Variants in ZNF75A observed in about 807,000 individuals in gnomAD.
ZNF75A encodes zinc finger protein 75A.
ZNF75A carries 36 observed loss-of-function variants against 46.3 expected under a neutral mutation model. That is an observed-to-expected ratio of 0.78 (90% CI 0.60 to 1.03). ZNF75A has a LOEUF of 1.03. Ranked by LOEUF, ZNF75A falls within the 50% of genes least tolerant of loss-of-function variation. The probability of loss-of-function intolerance (pLI) is 0.00; values close to 1 mark genes in which losing one functional copy is unlikely to be tolerated. For missense variants in ZNF75A, 595 were observed against 551.3 expected, an observed-to-expected ratio of 1.08 and a Z score of -0.79; for synonymous variants, 234 against 189.9, an observed-to-expected ratio of 1.23 and a Z score of -1.91.
chr16:3,316,124 T>C (rs1961186268), intron 5 of ZNF75A: 1 of 152,246 alleles, frequency 6.6e-6, no homozygotes, highest in South Asian at 2.1e-4. Context: ...CGTGATTTAA[T>C]TTTCTTTAAA....
intron 5 of ZNF75A, chr16:3,314,697 C>T (rs555625251): frequency 3.0e-6 from 3 of 985,420 alleles, no homozygotes; most frequent in Admixed American, 6.1e-5. Context: ...CGCAGTTAGG[C>T]TGCTTCTGCA....
intron 5 of ZNF75A, chr16:3,314,677 G>T: frequency 1.0e-6 from 1 of 985,188 alleles, no homozygotes; most frequent in Non-Finnish European, 1.2e-6. Flanking sequence ...GGCCTACCAT[G>T]CAGTTCATAC....
rs564010853 is a variant in ZNF75A at position 3,318,662 on chromosome 16, G to A, written c.*793G>A. The A allele has an allele frequency of 3.7e-5, 36 of 985,294 alleles. No individual in the cohort carries two copies. Among genetic ancestry groups the A allele is most frequent in the Non-Finnish European group, 4.3e-5 (36 of 829,944 alleles). 61.0% of individuals were successfully genotyped at this position (985,294 alleles called of 1,614,324 possible). On this transcript the variant is annotated 3_prime_UTR_variant, in exon 7 of 7. Coordinates refer to ENST00000669516, the MANE Select transcript of ZNF75A (RefSeq NM_001302109.2). ...CTGAAAGAGAATTAGTGGGAATTAA[G>A]ATCAACTTCTCAGTTTTGTTTGTTT...
chr16:3,314,378 C>G (rs879596001), intron 5 of ZNF75A, among the ~76,000 whole-genome samples: 21 of 152,222 alleles, frequency 1.4e-4, no homozygotes, highest in Non-Finnish European at 2.1e-4. Context: ...GGCACCTGAG[C>G]TCCTCTTGCC....
downstream of ZNF75A, among the ~76,000 whole-genome samples, chr16:3,320,853 T>C (rs1480763940): frequency 2.0e-5 from 3 of 152,192 alleles, no homozygotes; most frequent in African/African-American, 2.4e-5. Context: ...TCCAGATCAG[T>C]GTAGACAGTA....
rs1961413702 is a variant in ZNF75A, at chr16:3,318,835, A to G, written c.*966A>G. The stretch of plus-strand genomic sequence containing the variant: ...CAGCAGGAGACGGTTCCCTAAATAA[A>G]AGATTTGGGCACTGGTGCTAAGTGT... On this transcript the variant is annotated 3_prime_UTR_variant, in exon 7 of 7. Coordinates refer to ENST00000669516, the MANE Select transcript of ZNF75A (RefSeq NM_001302109.2). 1.0e-6 allele frequency: 1 copy of G among 985,400 alleles called. No homozygotes were observed. Among genetic ancestry groups the G allele is most frequent in the Non-Finnish European group, 1.2e-6 (1 of 829,926 alleles). 61.0% of individuals were successfully genotyped at this position (985,400 alleles called of 1,614,324 possible). A position where few individuals can be genotyped will look rare whatever the true frequency, so the allele number is the denominator to read the frequency against.
In ZNF75A at chr16:3,317,210, A is replaced by C. The variant is rs201108736; in HGVS notation, c.955A>C (p.Thr319Pro). 2 of 1,611,264 alleles carry C rather than the reference A, an allele frequency of 1.2e-6. No homozygotes were observed. Among genetic ancestry groups the C allele is most frequent in the Non-Finnish European group, 1.7e-6 (2 of 1,178,720 alleles). The stretch of plus-strand genomic sequence containing the variant: ...AACAGGGTTAAAGCTCAAAAACGAC[A>C]CTGAAAATCATCAGCCTGTGTCTCT... ...SPTGLKLKNDTENHQPVSLSD... is the reference protein window; with the variant it reads ...SPTGLKLKNDPENHQPVSLSD... The change falls in exon 7 of 7, where the codon ACT (threonine) becomes CCT (proline). Residue 319 changes from threonine (T) to proline (P), a missense_variant. Transcript: ENST00000669516.
chr16:3,311,951 A>G lies in ZNF75A; in HGVS notation c.604+3A>G, dbSNP rs1960838113. 4.1e-6 allele frequency: 4 copies of G among 985,436 alleles called. No homozygotes were observed. The highest frequency in any genetic ancestry group is 3.6e-6 in the Non-Finnish European group (3 of 829,510). The allele number at this position is 985,436 out of a possible 1,614,324, so 61.0% of individuals were successfully genotyped here. ...GACTGAGCCTGTGTATGAGAGGGGT[A>G]AGGAGCTTCATGATAATTTTCTTCT... is the stretch of plus-strand genomic sequence containing the variant. On this transcript the variant is annotated splice_donor_region_variant and intron_variant, in intron 3 of 6. Transcript: ENST00000669516.
At position 3,308,462 on chromosome 16, in the gene ZNF75A, T is replaced by G; in HGVS notation, c.34T>G (p.Leu12Val). ...GGTAGATCTGAAAGTGGCTGCGTAC[T>G]TGGACCCTCAGATCAGGGCTTTGTG... ...MMVDLKVAAY[L>V]DPQIRALWET... Residue 12 changes from leucine (L) to valine (V), a missense_variant, in exon 2 of 7, where the codon TTG (leucine) becomes GTG (valine). Physicochemically the swap from Leu to Val is conservative, Grantham distance 32. Coordinates refer to ENST00000669516, the MANE Select transcript of ZNF75A (RefSeq NM_001302109.2). The G allele has an allele frequency of 3.0e-6, 3 of 985,880 alleles. No homozygotes were observed. The highest frequency in any genetic ancestry group is 3.6e-6 in the Non-Finnish European group (3 of 829,966). 61.1% of individuals were successfully genotyped at this position (985,880 alleles called of 1,614,324 possible).
downstream of ZNF75A, among the ~76,000 whole-genome samples, chr16:3,321,940 C>T (rs2029959919): frequency 6.6e-6 from 1 of 152,124 alleles, no homozygotes; most frequent in Non-Finnish European, 1.5e-5. Context: ...TCCAAATGGA[C>T]AATTGGTAAC....
chr16:3,310,064 G>A (rs1960628670), intron 2 of ZNF75A, among the ~76,000 whole-genome samples: 1 of 151,660 alleles, frequency 6.6e-6, no homozygotes, highest in East Asian at 1.9e-4. Context: ...ATTGTACTCT[G>A]GCCTGGGCAA....
intron 4 of ZNF75A, 137 bp from the exon 5 acceptor site, chr16:3,312,912 C>T (rs1391663237): frequency 1.5e-6 from 2 of 1,304,102 alleles, no homozygotes. Context: ...GACGCCTTTT[C>T]TCCTTTTTTT....
At position 3,313,431 on chromosome 16, in the gene ZNF75A, T is replaced by C. The variant is rs113283330; in HGVS notation, c.823+256T>C. Among the ~76,000 whole-genome samples, 362 of 152,326 alleles carry C rather than the reference T, an allele frequency of 2.4e-3. 2 individuals are homozygous for C. The highest frequency in any genetic ancestry group is 8.0e-3 in the African/African-American group (334 of 41,562). On this transcript the variant is annotated intron_variant, in intron 5 of 6. Coordinates refer to ENST00000669516, the MANE Select transcript of ZNF75A (RefSeq NM_001302109.2). Reference sequence around the variant, plus strand: ...CAAACTTCCTCTTCTGTGTCTTACTTATCTCAGTAAGGGGCACATTCATTA... The same window carrying C: ...CAAACTTCCTCTTCTGTGTCTTACTCATCTCAGTAAGGGGCACATTCATTA...
At chr16:3,309,814 A>G (rs1237163860) in intron 2 of ZNF75A, among the ~76,000 whole-genome samples, 3 of 152,034 alleles carry the variant, frequency 2.0e-5, no homozygotes, top group Non-Finnish European at 4.4e-5. Flanking sequence ...ACTTAAAGAA[A>G]AGGAGAAATT....
chr16:3,321,906 A>C (rs1567276798), downstream of ZNF75A, among the ~76,000 whole-genome samples: 1 of 152,220 alleles, frequency 6.6e-6, no homozygotes, highest in Admixed American at 6.5e-5. Flanking sequence ...AAGTTTGAGG[A>C]AGAACGCCCA....
intron 1 of ZNF75A, chr16:3,306,965 T>C (rs1348107381): frequency 2.6e-5 from 4 of 152,090 alleles, no homozygotes; most frequent in African/African-American, 9.7e-5. Flanking sequence ...TTTTTTTTTT[T>C]TTTGGAGATG....
At position 3,311,754 on chromosome 16, in the gene ZNF75A, T is replaced by C; in HGVS notation, c.410T>C (p.Val137Ala). Reference protein sequence around the residue: ...QRESGQTWNGVAVHELGKEAV... With the variant: ...QRESGQTWNGAAVHELGKEAV... ...AACAAGGATGGGAATTATTTCTAGG[T>C]TGCAGTCCATGAGCTGGGAAAGGAG... The change falls in exon 3 of 7, where the codon GTT becomes GCT. Residue 137 changes from valine (V) to alanine (A), a missense_variant and splice_region_variant. Val to Ala is a moderately conservative substitution (Grantham distance 64). Coordinates refer to ENST00000669516, the MANE Select transcript of ZNF75A (RefSeq NM_001302109.2). 9.5e-7 allele frequency: 1 copy of C among 1,049,778 alleles called. No homozygotes were observed. The highest frequency in any genetic ancestry group is 1.7e-5 in the African/African-American group (1 of 59,194). 65.0% of individuals were successfully genotyped at this position (1,049,778 alleles called of 1,614,324 possible).
intron 5 of ZNF75A, 151 bp from the exon 6 acceptor site, chr16:3,316,761 A>T (rs1007932167): frequency 1.7e-6 from 1 of 594,216 alleles, no homozygotes; most frequent in African/African-American, 1.9e-5. Flanking sequence ...AACATAGTAT[A>T]AACGTGATAC....
downstream of ZNF75A, among the ~76,000 whole-genome samples, chr16:3,319,302 A>T (rs1050980575): frequency 6.6e-6 from 1 of 152,054 alleles, no homozygotes; most frequent in African/African-American, 2.4e-5. Context: ...TTTAGTAGAG[A>T]CGGGGTTTCA....
Sources: gnomAD v4.1 joint callset for allele counts (sites outside exome capture counted in the v4.1 genomes callset) on GRCh38, gnomAD v4.1.1 for gene constraint, MANE v1.5 for transcripts, NCBI Gene and HGNC (gene_info 2026-07-23, HGNC 2026-07-21) for gene names.